The following CNTLN variants were observed in gnomAD, a reference collection of about 807,000 sequenced individuals.
CNTLN encodes the protein centlein, centrosomal protein.
In CNTLN, 212 loss-of-function variants were observed where a neutral mutation model predicts 180.0. The observed-to-expected ratio is 1.18, with a 90% CI of 1.05 to 1.32. The LOEUF (loss-of-function observed/expected upper bound fraction) is 1.32. Ranked by LOEUF, CNTLN falls within the 40% of genes most tolerant of loss-of-function variation. The probability of loss-of-function intolerance (pLI) is 0.00; values close to 1 mark genes in which losing one functional copy is unlikely to be tolerated. For synonymous variants in CNTLN, 722 were observed against 563.1 expected (o/e 1.28, Z -3.99); for missense variants, 2,095 against 1,610.9 (o/e 1.30, Z -5.14).
At chr9:17,494,520 C>A (rs1405027480) in intron 25 of CNTLN, among the ~76,000 whole-genome samples, 1 of 152,092 alleles carries the variant, frequency 6.6e-6, no homozygotes, top group Admixed American at 6.6e-5. Context: ...TGTCCCTCCT[C>A]CCACCCTCTA....
intron 23 of CNTLN, 26 bp downstream of exon 23, chr9:17,466,917 C>T: frequency 6.3e-7 from 1 of 1,578,332 alleles, no homozygotes; most frequent in Non-Finnish European, 8.7e-7. Context: ...CGTTTACTAA[C>T]TTGTACTTTA....
chr9:17,338,913 C>T (rs904950501), intron 10 of CNTLN, among the ~76,000 whole-genome samples: 3 of 152,156 alleles, frequency 2.0e-5, no homozygotes, highest in African/African-American at 7.2e-5. Context: ...GTAATAGACT[C>T]TTCATGTATG....
chr9:17,138,555 G>C (rs1817874313), intron 1 of CNTLN, among the ~76,000 whole-genome samples: 2 of 152,156 alleles, frequency 1.3e-5, no homozygotes. Context: ...ACAAATTTGA[G>C]AACTTACTGT....
At chr9:17,406,575 A>G (rs1827409497) in intron 15 of CNTLN, among the ~76,000 whole-genome samples, 1 of 151,636 alleles carries the variant, frequency 6.6e-6, no homozygotes, top group Non-Finnish European at 1.5e-5. Context: ...ACCTCCCATA[A>G]TTTGGATTCC....
At chr9:17,139,680 A>G (rs1208491069) in intron 1 of CNTLN, among the ~76,000 whole-genome samples, 2 of 151,870 alleles carry the variant, frequency 1.3e-5, no homozygotes, top group Admixed American at 6.6e-5. Context: ...AAGGAATTTT[A>G]TAGTGAGTAA....
chr9:17,258,985 G>GC (rs377225318), intron 5 of CNTLN, among the ~76,000 whole-genome samples: 1 of 150,570 alleles, frequency 6.6e-6, no homozygotes, highest in African/African-American at 2.5e-5. Context: ...CTGCCTGATT[G>GC]CCTGGCCAGA....
At position 17,465,124 on chromosome 9, in the gene CNTLN, G is replaced by GT. The variant is rs78207270; in HGVS notation, c.3531+514dup. Among the ~76,000 whole-genome samples, 950 of 136,424 alleles carry GT rather than the reference G, an allele frequency of 7.0e-3. 6 individuals are homozygous for GT. Among genetic ancestry groups the GT allele is most frequent in the East Asian group, 0.021 (98 of 4,674 alleles). The allele number at this position is 136,424 out of a possible 152,430, so 89.5% of individuals were successfully genotyped here. A position where few individuals can be genotyped will look rare whatever the true frequency, so the allele number is the denominator to read the frequency against. Reference sequence around the variant, plus strand: ...GACCCAAAGTAGAAGGGTTTTTTTTGTTTTTTTTTTTTTGAAGGTGCTTTT... The same window carrying GT: ...GACCCAAAGTAGAAGGGTTTTTTTTGTTTTTTTTTTTTTTGAAGGTGCTTTT... On this transcript the variant is annotated intron_variant, in intron 21 of 25. Coordinates refer to ENST00000380647, the MANE Select transcript of CNTLN (RefSeq NM_017738.4).
chr9:17,474,977 AT>A (rs1832253184), intron 23 of CNTLN, among the ~76,000 whole-genome samples: 1 of 152,126 alleles, frequency 6.6e-6, no homozygotes, highest in South Asian at 2.1e-4. Flanking sequence ...GAAGGACTCC[AT>A]GATTAATTTT....
At chr9:17,418,169 A>C (rs1439437044) in intron 18 of CNTLN, among the ~76,000 whole-genome samples, 1 of 152,024 alleles carries the variant, frequency 6.6e-6, no homozygotes, top group East Asian at 1.9e-4. Flanking sequence ...AAGAACATCT[A>C]ATATTCAAAA....
At chr9:17,290,302 C>A (rs545576642) in intron 6 of CNTLN, among the ~76,000 whole-genome samples, 1 of 151,740 alleles carries the variant, frequency 6.6e-6, no homozygotes, top group East Asian at 1.9e-4. Flanking sequence ...CTGGGGGGTG[C>A]CTCCCAGTTA....
intron 10 of CNTLN, among the ~76,000 whole-genome samples, chr9:17,335,191 A>T (rs1820923457): frequency 6.6e-6 from 1 of 152,208 alleles, no homozygotes. Context: ...GCTTATTCTC[A>T]TCTAGGAACC....
intron 18 of CNTLN, among the ~76,000 whole-genome samples, chr9:17,437,826 T>A (rs1829867437): frequency 6.6e-6 from 1 of 152,180 alleles, no homozygotes; most frequent in South Asian, 2.1e-4. Context: ...TATGTGTGTG[T>A]GTGTATATAT....
At chr9:17,466,619 A>G in intron 22 of CNTLN, 87 bp from the exon 23 acceptor site, 1 of 1,038,094 alleles carries the variant, frequency 9.6e-7, no homozygotes, top group Non-Finnish European at 1.4e-6. Flanking sequence ...GAATAATAAA[A>G]TATTTTCCTT....
chr9:17,226,562 T>C (rs1824479272), intron 3 of CNTLN, among the ~76,000 whole-genome samples: 1 of 152,128 alleles, frequency 6.6e-6, no homozygotes, highest in African/African-American at 2.4e-5. Flanking sequence ...TGTTGAATTT[T>C]GACATTATTA....
At chr9:17,230,443 T>A (rs1221196145) in intron 3 of CNTLN, among the ~76,000 whole-genome samples, 1 of 152,012 alleles carries the variant, frequency 6.6e-6, no homozygotes, top group Non-Finnish European at 1.5e-5. Flanking sequence ...GTTTTTTTCA[T>A]GGTGAGCTGT....
At chr9:17,226,432 T>C (rs775092344) in intron 3 of CNTLN, 145 bp downstream of exon 3, 1 of 468,744 alleles carries the variant, frequency 2.1e-6, no homozygotes, top group Non-Finnish European at 3.8e-6. Flanking sequence ...AAGTCACTAG[T>C]AAGATTATTC....
intron 25 of CNTLN, among the ~76,000 whole-genome samples, chr9:17,497,081 G>T (rs1353593728): frequency 6.6e-6 from 1 of 152,142 alleles, no homozygotes; most frequent in Admixed American, 6.6e-5. Flanking sequence ...GTCCAAGGGA[G>T]CTCAGGGAAT....
At chr9:17,172,930 C>G (rs1019150558) in intron 2 of CNTLN, among the ~76,000 whole-genome samples, 4 of 152,110 alleles carry the variant, frequency 2.6e-5, no homozygotes, top group East Asian at 1.9e-4. Flanking sequence ...AAGGGAATCA[C>G]TCAGGGAAAC....
chr9:17,278,199 G>A (rs886620537), intron 6 of CNTLN, among the ~76,000 whole-genome samples: 10 of 152,142 alleles, frequency 6.6e-5, no homozygotes, highest in Admixed American at 1.3e-4. Context: ...AGAACAAGGA[G>A]CAGTATAACT....
Sources: gnomAD v4.1 joint callset for allele counts (sites outside exome capture counted in the v4.1 genomes callset) on GRCh38, gnomAD v4.1.1 for gene constraint, MANE v1.5 for transcripts, NCBI Gene and HGNC (gene_info 2026-07-23, HGNC 2026-07-21) for gene names.